SUMF1: variants seen among roughly 807,000 people sequenced by gnomAD.
SUMF1 encodes the protein sulfatase modifying factor 1, also known as formylglycine-generating enzyme.
Under a neutral mutation model 47.6 loss-of-function variants are expected in SUMF1, and 48 were observed. The ratio of observed to expected loss-of-function variants is 1.01; its 90% CI spans 0.80 to 1.28. SUMF1 has a LOEUF of 1.28. Among genes scored for constraint, SUMF1 ranks in the 50% most tolerant of loss-of-function variants. The probability of loss-of-function intolerance (pLI) is 0.00; values close to 1 mark genes in which losing one functional copy is unlikely to be tolerated. For synonymous variants in SUMF1, 230 were observed against 192.1 expected (o/e 1.20, Z -1.63); for missense variants, 571 against 485.4 (o/e 1.18, Z -1.66).
chr3:4,224,704 C>A (rs1041075743), intron 8 of SUMF1, among the ~76,000 whole-genome samples: 8 of 151,682 alleles, frequency 5.3e-5, no homozygotes, highest in Non-Finnish European at 1.0e-4. Flanking sequence ...CCAATCAGAT[C>A]TTTCTCTGGG....
At chr3:4,266,934 AG>A (rs1559632639) in intron 8 of SUMF1, among the ~76,000 whole-genome samples, 1 of 151,624 alleles carries the variant, frequency 6.6e-6, no homozygotes, top group South Asian at 2.1e-4. Flanking sequence ...TTTAGCATGA[AG>A]GGTTGTTGAA....
intron 4 of SUMF1, among the ~76,000 whole-genome samples, 159 bp from the exon 5 acceptor site, chr3:4,418,291 C>A: frequency 6.6e-6 from 1 of 152,216 alleles, no homozygotes; most frequent in African/African-American, 2.4e-5. Context: ...ATCTGTCATG[C>A]TCCACCAACG....
At chr3:4,432,223 C>G (rs1184512425) in intron 3 of SUMF1, among the ~76,000 whole-genome samples, 1 of 151,102 alleles carries the variant, frequency 6.6e-6, no homozygotes, top group African/African-American at 2.4e-5. Flanking sequence ...CACCATCTCC[C>G]CAAAACCCAG....
At chr3:4,448,832 C>G (rs1702871889) in intron 3 of SUMF1, among the ~76,000 whole-genome samples, 1 of 152,224 alleles carries the variant, frequency 6.6e-6, no homozygotes, top group South Asian at 2.1e-4. Flanking sequence ...TTCTTGAGTG[C>G]TACTCTGATC....
intron 8 of SUMF1, among the ~76,000 whole-genome samples, chr3:4,196,073 A>G (rs1695422517): frequency 6.6e-6 from 1 of 152,152 alleles, no homozygotes; most frequent in Non-Finnish European, 1.5e-5. Context: ...GGAATACTTT[A>G]GGCTACATGG....
At chr3:4,100,814 C>T (rs923909718) in intron 8 of SUMF1, among the ~76,000 whole-genome samples, 3 of 151,794 alleles carry the variant, frequency 2.0e-5, no homozygotes, top group African/African-American at 7.3e-5. Context: ...AACAAGAAAA[C>T]AAATAACCCC....
At chr3:4,271,472 T>C (rs752683700) in intron 8 of SUMF1, among the ~76,000 whole-genome samples, 27 of 75,386 alleles carry the variant, frequency 3.6e-4, no homozygotes, top group African/African-American at 1.6e-3. Context: ...TATCTATAGA[T>C]AGATAGATAG....
chr3:4,127,013 A>T (rs1693669944), intron 8 of SUMF1, among the ~76,000 whole-genome samples: 1 of 152,178 alleles, frequency 6.6e-6, no homozygotes, highest in South Asian at 2.1e-4. Context: ...AAAAGTAAAG[A>T]TTGCTTCCAA....
intron 8 of SUMF1, among the ~76,000 whole-genome samples, chr3:4,224,351 T>C (rs1258140308): frequency 1.3e-5 from 2 of 152,160 alleles, no homozygotes; most frequent in African/African-American, 2.4e-5. Flanking sequence ...AATGAGTAAC[T>C]GTTTTTTATT....
chr3:4,065,365 TA>T (rs1695352419), intron 9 of SUMF1, among the ~76,000 whole-genome samples: 1 of 152,126 alleles, frequency 6.6e-6, no homozygotes, highest in South Asian at 2.1e-4. Context: ...GAAGAAGATG[TA>T]CAAAGTTTTT....
At chr3:4,288,220 T>C (rs1697673774) in intron 8 of SUMF1, among the ~76,000 whole-genome samples, 1 of 152,206 alleles carries the variant, frequency 6.6e-6, no homozygotes, top group Non-Finnish European at 1.5e-5. Context: ...CTAATTTCTG[T>C]TAATACATCT....
chr3:4,127,431 G>A (rs772812451), intron 8 of SUMF1, among the ~76,000 whole-genome samples: 26 of 152,094 alleles, frequency 1.7e-4, no homozygotes, highest in Non-Finnish European at 3.2e-4. Flanking sequence ...CCCTTAATTT[G>A]GGCAGGCACA....
At chr3:4,343,241 G>A (rs559136079) in intron 8 of SUMF1, among the ~76,000 whole-genome samples, 3 of 152,180 alleles carry the variant, frequency 2.0e-5, no homozygotes, top group Non-Finnish European at 4.4e-5. Flanking sequence ...ACTTTCACGA[G>A]TAAGTGAGGT....
intron 8 of SUMF1, among the ~76,000 whole-genome samples, chr3:4,214,277 A>G (rs1391234045): frequency 6.6e-6 from 1 of 152,222 alleles, no homozygotes; most frequent in Non-Finnish European, 1.5e-5. Flanking sequence ...GAACAACCAC[A>G]TGGAAACTTA....
intron 8 of SUMF1, among the ~76,000 whole-genome samples, chr3:4,190,401 A>G (rs943531626): frequency 6.6e-6 from 1 of 152,136 alleles, no homozygotes; most frequent in African/African-American, 2.4e-5. Context: ...TACAGAAGCA[A>G]AAGAATTATT....
chr3:4,438,492 G>A (rs1303511451), intron 3 of SUMF1, among the ~76,000 whole-genome samples: 1 of 152,028 alleles, frequency 6.6e-6, no homozygotes, highest in Admixed American at 6.6e-5. Context: ...AGTCCCCCAG[G>A]TGATGTCTGA....
chr3:4,457,250 T>C (rs921681006), intron 1 of SUMF1, among the ~76,000 whole-genome samples: 27 of 151,870 alleles, frequency 1.8e-4, no homozygotes, highest in African/African-American at 6.3e-4. Context: ...CCAGCATTTC[T>C]TTATACTAAT....
intron 8 of SUMF1, among the ~76,000 whole-genome samples, chr3:4,353,208 G>A (rs1699541976): frequency 6.6e-6 from 1 of 152,184 alleles, no homozygotes; most frequent in Non-Finnish European, 1.5e-5. Context: ...AGACCAGCTT[G>A]GGCAACATAG....
chr3:4,176,379 AT>A (rs1694961039), intron 8 of SUMF1, among the ~76,000 whole-genome samples: 1 of 152,216 alleles, frequency 6.6e-6, no homozygotes, highest in Non-Finnish European at 1.5e-5. Flanking sequence ...GTGGGGGCCA[AT>A]ATTCAACGTT....
Sources: allele counts gnomAD v4.1 joint callset (sites outside exome capture counted in the v4.1 genomes callset), GRCh38; gene constraint gnomAD v4.1.1; transcripts MANE v1.5; gene names NCBI Gene and HGNC (gene_info 2026-07-23, HGNC 2026-07-21).